The following RFTN1 variants were observed in gnomAD, a reference collection of about 807,000 sequenced individuals.
The protein encoded by RFTN1 is raftlin, lipid raft linker 1.
Under a neutral mutation model 46.5 loss-of-function variants are expected in RFTN1, and 26 were observed. The observed-to-expected ratio is 0.56, with a 90% CI of 0.41 to 0.78. RFTN1 has a LOEUF of 0.78. RFTN1 is among the 30% of genes least tolerant of loss of function. The pLI is 0.00. For missense variants in RFTN1, 693 were observed against 718.7 expected (o/e 0.96, Z 0.41); for synonymous variants, 261 against 284.2 (o/e 0.92, Z 0.82).
At chr3:16,419,471 A>T (rs2075146356) in intron 3 of RFTN1, among the ~76,000 whole-genome samples, 2 of 152,158 alleles carry the variant, frequency 1.3e-5, no homozygotes, top group African/African-American at 4.8e-5. Flanking sequence ...TTTTTGTCGA[A>T]GGGAGTGGGT....
At chr3:16,434,458 G>T (rs1575285804) in intron 2 of RFTN1, among the ~76,000 whole-genome samples, 1 of 152,250 alleles carries the variant, frequency 6.6e-6, no homozygotes, top group East Asian at 1.9e-4. Flanking sequence ...GGAGGCTGAG[G>T]TGGGAAGATC....
In RFTN1 at chr3:16,352,288, G is replaced by A. The variant is rs970094831; in HGVS notation, c.1146+5644C>T. Among the ~76,000 whole-genome samples, 2 of 152,184 alleles carry A rather than the reference G, an allele frequency of 1.3e-5. No individual in the cohort carries two copies. Among genetic ancestry groups the A allele is most frequent in the Admixed American group, 6.5e-5 (1 of 15,282 alleles). The stretch of plus-strand genomic sequence containing the variant: ...ACATGGAAAAGGCTCTATGGCTCAG[G>A]TAGCACCTGGTGGTGTCTATAAGCT... On this transcript the variant is annotated intron_variant, in intron 7 of 9. Coordinates refer to ENST00000334133, the MANE Select transcript of RFTN1 (RefSeq NM_015150.2). The surrounding 1 kb of genome is among the most constrained non-coding windows in gnomAD (Gnocchi z 4.6).
rs536553211 is a variant in RFTN1 at position 16,500,176 on chromosome 3, A to G, written c.-8-6299T>C. Among the ~76,000 whole-genome samples, 1 of 152,190 alleles carries G rather than the reference A, an allele frequency of 6.6e-6. No homozygotes were observed. The highest frequency in any genetic ancestry group is 2.4e-5 in the African/African-American group (1 of 41,436). ...TCTAGTGAGACTCCCCCAGTACTTC[A>G]TCTATGCTCCATCCTGCTCCCACAG... On this transcript the variant is annotated intron_variant, in intron 1 of 9. Coordinates refer to ENST00000334133, the MANE Select transcript of RFTN1 (RefSeq NM_015150.2). This position sits in a 1 kb window ranked among gnomAD's most constrained non-coding sequence, Gnocchi z 5.9.
At chr3:16,423,799 T>C (rs143895798) in intron 3 of RFTN1, among the ~76,000 whole-genome samples, 1 of 152,310 alleles carries the variant, frequency 6.6e-6, no homozygotes, top group African/African-American at 2.4e-5. Context: ...ACTATAGCAA[T>C]ATATTACAAA....
intron 4 of RFTN1, among the ~76,000 whole-genome samples, chr3:16,408,283 C>T (rs1233182254): frequency 2.0e-5 from 3 of 152,170 alleles, no homozygotes; most frequent in Non-Finnish European, 4.4e-5. Flanking sequence ...TCCGGATCCC[C>T]TTGCTCCTCA....
chr3:16,430,955 C>G (rs1046727297), intron 3 of RFTN1, among the ~76,000 whole-genome samples: 1 of 152,248 alleles, frequency 6.6e-6, no homozygotes, highest in Admixed American at 6.5e-5. Flanking sequence ...CCCAGCTTCA[C>G]TGCTGGCTTA....
In RFTN1 at chr3:16,473,546, A is replaced by T. The variant is rs1354827572; in HGVS notation, c.145+20179T>A. On this transcript the variant is annotated intron_variant, in intron 2 of 9. Transcript: ENST00000334133. The surrounding 1 kb of genome is among the most constrained non-coding windows in gnomAD (Gnocchi z 5.3). ...CTCCCAAGGAGCTGGGACTACAGGC[A>T]TGCACCGCCCTGCCTGGCTAATTTT... 5.3e-5 allele frequency among the ~76,000 whole-genome samples: 8 copies of T among 151,752 alleles called. No individual in the cohort carries two copies. Among genetic ancestry groups the T allele is most frequent in the African/African-American group, 1.9e-4 (8 of 41,302 alleles).
intron 6 of RFTN1, among the ~76,000 whole-genome samples, chr3:16,362,124 C>A (rs1379086424): frequency 2.0e-5 from 3 of 152,186 alleles, no homozygotes; most frequent in Admixed American, 1.3e-4. Flanking sequence ...AAGGCCTAAC[C>A]GGTTCAACAA....
chr3:16,324,606 G>T (rs1393285317), intron 8 of RFTN1, among the ~76,000 whole-genome samples: 2 of 114,354 alleles, frequency 1.7e-5, no homozygotes, highest in Non-Finnish European at 1.8e-5. Context: ...ATAACAGAAT[G>T]TCCCTGACCC....
chr3:16,407,083 G>C lies in RFTN1; in HGVS notation c.441+2292C>G, dbSNP rs4685334. On this transcript the variant is annotated intron_variant, in intron 4 of 9. Coordinates refer to ENST00000334133, the MANE Select transcript of RFTN1 (RefSeq NM_015150.2). The surrounding 1 kb of genome is among the most constrained non-coding windows in gnomAD (Gnocchi z 4.0). ...ACAACACCCCAGTAGCTCGCAAATC[G>C]GGCTGTTTCCTGAAGAACTGAGACA... is the stretch of plus-strand genomic sequence containing the variant. 0.17 allele frequency among the ~76,000 whole-genome samples: 26,474 copies of C among 152,158 alleles called. 2,764 individuals carry two copies. The highest frequency in any genetic ancestry group is 0.25 in the Admixed American group (3,765 of 15,276).
Position 16,422,316 on chromosome 3 carries a change from A to T in RFTN1, c.332+11535T>A, listed in dbSNP as rs1236745594. On this transcript the variant is annotated intron_variant, in intron 3 of 9. Transcript: ENST00000334133. This position sits in a 1 kb window ranked among gnomAD's most constrained non-coding sequence, Gnocchi z 4.6. ...TTACATGGAAAAATCAACGTACAAA[A>T]GTTATCAAGATCCTAAAAAAGAATA... Among the ~76,000 whole-genome samples, 2 of 152,200 alleles carry T rather than the reference A, an allele frequency of 1.3e-5. No individual in the cohort carries two copies. Among genetic ancestry groups the T allele is most frequent in the Non-Finnish European group, 2.9e-5 (2 of 68,020 alleles).
At position 16,344,920 on chromosome 3, in the gene RFTN1, C is replaced by G. The variant is rs1399962804; in HGVS notation, c.1146+13012G>C. On this transcript the variant is annotated intron_variant, in intron 7 of 9. Coordinates refer to ENST00000334133, the MANE Select transcript of RFTN1 (RefSeq NM_015150.2). The surrounding 1 kb of genome is among the most constrained non-coding windows in gnomAD (Gnocchi z 4.4). Reference sequence around the variant, plus strand: ...CTGATTTAATATACTTCAGTTCTCTCTGGAGAACCATTTGCCCTCTCTTCA... The same window carrying G: ...CTGATTTAATATACTTCAGTTCTCTGTGGAGAACCATTTGCCCTCTCTTCA... Among the ~76,000 whole-genome samples, 1 of 152,228 alleles carries G rather than the reference C, an allele frequency of 6.6e-6. No individual in the cohort carries two copies. Among genetic ancestry groups the G allele is most frequent in the Non-Finnish European group, 1.5e-5 (1 of 68,048 alleles).
At chr3:16,494,859 A>G (rs1161672730) in intron 1 of RFTN1, among the ~76,000 whole-genome samples, 1 of 152,240 alleles carries the variant, frequency 6.6e-6, no homozygotes, top group East Asian at 1.9e-4. Context: ...TCACAAAAAT[A>G]TTAACCAGCC....
In RFTN1 at chr3:16,320,247, T is replaced by C. The variant is rs1413863237; in HGVS notation, c.1333-3015A>G. Among the ~76,000 whole-genome samples, 1 of 152,228 alleles carries C rather than the reference T, an allele frequency of 6.6e-6. No individual in the cohort carries two copies. The highest frequency in any genetic ancestry group is 2.4e-5 in the African/African-American group (1 of 41,454). ...CTTTGAAGAAGTTTAATATTTGCCT[T>C]GAAAATCACACGCACGTACACAGAG... is the stretch of plus-strand genomic sequence containing the variant. On this transcript the variant is annotated intron_variant, in intron 9 of 9. Transcript: ENST00000334133. The surrounding 1 kb of genome is among the most constrained non-coding windows in gnomAD (Gnocchi z 4.5).
chr3:16,425,485 A>T lies in RFTN1; in HGVS notation c.332+8366T>A, dbSNP rs890583638. Among the ~76,000 whole-genome samples, 5 of 152,180 alleles carry T rather than the reference A, an allele frequency of 3.3e-5. No homozygotes were observed. Among genetic ancestry groups the T allele is most frequent in the African/African-American group, 9.7e-5 (4 of 41,412 alleles). The stretch of plus-strand genomic sequence containing the variant: ...CTCAGAAGAAACAAACAAACAAAAA[A>T]TAAATAAAATGTGAGGAAAGACACA... On this transcript the variant is annotated intron_variant, in intron 3 of 9. Transcript: ENST00000334133. The surrounding 1 kb of genome is among the most constrained non-coding windows in gnomAD (Gnocchi z 4.3).
intron 6 of RFTN1, among the ~76,000 whole-genome samples, chr3:16,363,362 C>G (rs907813606): frequency 6.6e-6 from 1 of 152,208 alleles, no homozygotes; most frequent in South Asian, 2.1e-4. Context: ...ATTATCACTG[C>G]ATTTTTTATT....
chr3:16,363,181 C>T (rs1320316508), intron 6 of RFTN1, among the ~76,000 whole-genome samples: 1 of 152,198 alleles, frequency 6.6e-6, no homozygotes, highest in African/African-American at 2.4e-5. Context: ...GACAGCTGGG[C>T]TTTTAAAGAG....
intron 2 of RFTN1, among the ~76,000 whole-genome samples, chr3:16,470,932 A>G (rs1290950267): frequency 6.6e-6 from 1 of 152,240 alleles, no homozygotes; most frequent in Non-Finnish European, 1.5e-5. Context: ...CCAGATAACT[A>G]TTATAACTAA....
rs920597040 is a variant in RFTN1 at position 16,489,157 on chromosome 3, C to A, written c.145+4568G>T. 1.3e-5 allele frequency among the ~76,000 whole-genome samples: 2 copies of A among 152,104 alleles called. No homozygotes were observed. The highest frequency in any genetic ancestry group is 4.8e-5 in the African/African-American group (2 of 41,420). ...TGGAGGCCGGGTGAGGTGGCTCACACCTGTAATCCCGGCACTTTGGGAAGC... is the reference window on the plus strand; with the variant it reads ...TGGAGGCCGGGTGAGGTGGCTCACAACTGTAATCCCGGCACTTTGGGAAGC... On this transcript the variant is annotated intron_variant, in intron 2 of 9. Coordinates refer to ENST00000334133, the MANE Select transcript of RFTN1 (RefSeq NM_015150.2). This position sits in a 1 kb window ranked among gnomAD's most constrained non-coding sequence, Gnocchi z 4.0.
Sources: gnomAD v4.1 joint callset for allele counts (sites outside exome capture counted in the v4.1 genomes callset) on GRCh38, gnomAD v4.1.1 for gene constraint, Gnocchi (gnomAD v3.1) non-coding constraint, MANE v1.5 for transcripts, NCBI Gene and HGNC (gene_info 2026-07-23, HGNC 2026-07-21) for gene names.